PRKD1: variants seen among roughly 807,000 people sequenced by gnomAD.
PRKD1 encodes protein kinase D1, also known as serine/threonine-protein kinase D1.
PRKD1 carries 63 observed loss-of-function variants against 95.9 expected under a neutral mutation model. That is an observed-to-expected ratio of 0.66 (90% CI 0.54 to 0.81). PRKD1 has a LOEUF of 0.81. Ranked by LOEUF, PRKD1 falls within the 30% of genes least tolerant of loss-of-function variation. The pLI, the probability that PRKD1 is intolerant of heterozygous loss-of-function variation, is 0.00. For synonymous variants in PRKD1, 425 were observed against 423.1 expected (o/e 1.00, Z -0.05); for missense variants, 1,048 against 1,165.3 (o/e 0.90, Z 1.47).
intron 16 of PRKD1, among the ~76,000 whole-genome samples, chr14:29,579,835 T>C (rs907977512): frequency 1.3e-5 from 2 of 152,190 alleles, no homozygotes; most frequent in African/African-American, 2.4e-5. Flanking sequence ...CTAGGATACC[T>C]GAAGAAATAC....
intron 4 of PRKD1, chr14:29,650,196 G>T (rs1881404316): frequency 6.6e-6 from 1 of 152,394 alleles, no homozygotes; most frequent in African/African-American, 2.4e-5. Context: ...AGCCACTCTT[G>T]TTGTCCCCAG....
chr14:29,861,173 A>G (rs1892697439), intron 1 of PRKD1, among the ~76,000 whole-genome samples: 2 of 152,318 alleles, frequency 1.3e-5, no homozygotes, highest in South Asian at 4.1e-4. Context: ...TAAACTGAAT[A>G]TAACTTATAG....
In PRKD1 at chr14:29,600,354, C is replaced by CA. The variant is rs35608497; in HGVS notation, c.1906-538dup. Among the ~76,000 whole-genome samples the CA allele has an allele frequency of 6.8e-4, 102 of 150,778 alleles. No individual in the cohort carries two copies. In the Middle Eastern group the frequency reaches 0.01, roughly 15 times the overall value. ...TAAGTGAAGATCATAAAAATAGCAACAAAAAAAAAGTGAGCCTGTGCTTTG... is the reference window on the plus strand; with the variant it reads ...TAAGTGAAGATCATAAAAATAGCAACAAAAAAAAAAGTGAGCCTGTGCTTTG... On this transcript the variant is annotated intron_variant, in intron 13 of 17. Coordinates refer to ENST00000331968, the MANE Select transcript of PRKD1 (RefSeq NM_002742.3).
At chr14:29,702,744 A>G (rs8006381) in intron 2 of PRKD1, among the ~76,000 whole-genome samples, 79,073 of 151,862 alleles carry the variant, frequency 0.52, 23,220 homozygotes, top group African/African-American at 0.81. Context: ...TTAGCGAAGT[A>G]ATTAATTCAT....
chr14:29,631,153 A>G (rs963713400), intron 9 of PRKD1, 132 bp from the exon 10 acceptor site: 4 of 896,324 alleles, frequency 4.5e-6, no homozygotes, highest in Non-Finnish European at 6.6e-6. Flanking sequence ...TTTAAACTAT[A>G]AAACACAGAA....
rs1892589107 is a variant in PRKD1, at chr14:29,858,487, A to G, written c.264+68762T>C. Among the ~76,000 whole-genome samples the G allele has an allele frequency of 3.3e-5, 5 of 152,206 alleles. No individual in the cohort carries two copies. The South Asian group carries it at 1.0e-3, about 32-fold the overall frequency. On this transcript the variant is annotated intron_variant, in intron 1 of 17. Transcript: ENST00000331968. ...AGTTCCCTCCCTCGCCCAGTTCCCCATTTCTAGTTTCACACCAGAAGAACA... is the reference window on the plus strand; with the variant it reads ...AGTTCCCTCCCTCGCCCAGTTCCCCGTTTCTAGTTTCACACCAGAAGAACA...
At chr14:29,701,077 A>C (rs1056538161) in intron 2 of PRKD1, among the ~76,000 whole-genome samples, 2 of 152,120 alleles carry the variant, frequency 1.3e-5, no homozygotes, top group African/African-American at 4.8e-5. Context: ...ATTTTGCATA[A>C]CATCTTGAGG....
At position 29,859,253 on chromosome 14, in the gene PRKD1, C is replaced by T. The variant is rs941577339; in HGVS notation, c.264+67996G>A. Among the ~76,000 whole-genome samples the T allele has an allele frequency of 3.9e-5, 6 of 151,916 alleles. No individual in the cohort carries two copies. The East Asian group carries it at 5.8e-4, about 15-fold the overall frequency. On this transcript the variant is annotated intron_variant, in intron 1 of 17. Coordinates refer to ENST00000331968, the MANE Select transcript of PRKD1 (RefSeq NM_002742.3). ...TTGGGAGGCCGAGGCGGGTGGATCA[C>T]GAGGTCAGGAGATTGAGACCACCCT...
rs1395959231 is a variant in PRKD1 at position 29,636,384 on chromosome 14, G to C, written c.1096C>G (p.Gln366Glu). Reference protein sequence around the residue: ...LMDDMEEAMVQDAEMAMAECQ... With the variant: ...LMDDMEEAMVEDAEMAMAECQ... Reference sequence around the variant, plus strand: ...TCTGCCATTGCCATCTCTGCATCTTGGACCATTGCTTCTTCCATATCATCC... The same window carrying C: ...TCTGCCATTGCCATCTCTGCATCTTCGACCATTGCTTCTTCCATATCATCC... Residue 366 changes from glutamine (Q) to glutamate (E), a missense_variant, in exon 7 of 18, where the codon CAA becomes GAA. This residue lies in a region of PRKD1 where 739 missense variants were observed against 861.9 expected (regional missense o/e 0.86). Coordinates refer to ENST00000331968, the MANE Select transcript of PRKD1 (RefSeq NM_002742.3). 6.2e-7 allele frequency: 1 copy of C among 1,613,964 alleles called. No individual in the cohort carries two copies. The highest frequency in any genetic ancestry group is 8.5e-7 in the Non-Finnish European group (1 of 1,180,044).
At chr14:29,813,193 GA>G (rs1890561006) in intron 1 of PRKD1, among the ~76,000 whole-genome samples, 1 of 152,110 alleles carries the variant, frequency 6.6e-6, no homozygotes, top group Admixed American at 6.5e-5. Context: ...AAATACTCTG[GA>G]AACTTAAGTG....
chr14:29,703,029 C>CT (rs1884914848), intron 2 of PRKD1, among the ~76,000 whole-genome samples: 1 of 152,014 alleles, frequency 6.6e-6, no homozygotes, highest in African/African-American at 2.4e-5. Flanking sequence ...GAGGTTTCTA[C>CT]TTTGAGGAAT....
At chr14:29,876,698 C>G (rs1893303745) in intron 1 of PRKD1, among the ~76,000 whole-genome samples, 1 of 149,978 alleles carries the variant, frequency 6.7e-6, no homozygotes, top group African/African-American at 2.5e-5. Flanking sequence ...AAAACTCCAA[C>G]TCTACAGCAA....
rs142105259 is a variant in PRKD1 at position 29,616,167 on chromosome 14, T to A, written c.1905+7985A>T. Among the ~76,000 whole-genome samples the A allele has an allele frequency of 3.3e-3, 480 of 146,746 alleles. 1 individual carries two copies. The highest frequency in any genetic ancestry group is 0.012 in the African/African-American group (471 of 39,146). On this transcript the variant is annotated intron_variant, in intron 13 of 17. Transcript: ENST00000331968. ...AGCTAGCAAGGAAGGAAAAATTGGA[T>A]CTTGTAAGTACAGGGATGAAGTGAG... is the stretch of plus-strand genomic sequence containing the variant.
At chr14:29,847,053 C>T (rs1434088533) in intron 1 of PRKD1, among the ~76,000 whole-genome samples, 2 of 152,054 alleles carry the variant, frequency 1.3e-5, no homozygotes, top group Admixed American at 6.6e-5. Context: ...GATCAGGTGC[C>T]CCAGCAATTT....
chr14:29,631,500 CT>C (rs370333345), intron 9 of PRKD1, among the ~76,000 whole-genome samples: 1,746 of 139,976 alleles, frequency 0.012, 16 homozygotes, highest in Middle Eastern at 0.031. Context: ...TTAAAATGGT[CT>C]TTTTTTTTTT....
intron 1 of PRKD1, among the ~76,000 whole-genome samples, chr14:29,881,411 T>C (rs1222259721): frequency 6.6e-6 from 1 of 151,946 alleles, no homozygotes; most frequent in Admixed American, 6.6e-5. Context: ...GTAAATACAA[T>C]TAAACCTCTT....
chr14:29,752,508 A>T (rs973885784), intron 1 of PRKD1, among the ~76,000 whole-genome samples: 3 of 152,004 alleles, frequency 2.0e-5, no homozygotes, highest in African/African-American at 7.2e-5. Flanking sequence ...ATTTCCACAT[A>T]CAAGCACTTT....
intron 9 of PRKD1, among the ~76,000 whole-genome samples, chr14:29,632,207 T>G (rs941303524): frequency 2.0e-5 from 3 of 152,216 alleles, no homozygotes; most frequent in Non-Finnish European, 2.9e-5. Context: ...AAACAAAGTT[T>G]TAATTTTAAA....
chr14:29,695,753 T>C lies in PRKD1; in HGVS notation c.404-29545A>G, dbSNP rs115462520. On this transcript the variant is annotated intron_variant, in intron 2 of 17. Transcript: ENST00000331968. Reference sequence around the variant, plus strand: ...AGACATTTTTAAACTGGAAAGAGTTTTGAGTTCATCTCTAGGGAAATATCA... The same window carrying C: ...AGACATTTTTAAACTGGAAAGAGTTCTGAGTTCATCTCTAGGGAAATATCA... Among the ~76,000 whole-genome samples, 1,356 of 152,250 alleles carry C rather than the reference T, an allele frequency of 8.9e-3. 17 individuals carry two copies. Among genetic ancestry groups the C allele is most frequent in the African/African-American group, 0.031 (1,303 of 41,550 alleles).
Sources: gnomAD v4.1 joint callset for allele counts (sites outside exome capture counted in the v4.1 genomes callset) on GRCh38, gnomAD v4.1.1 for gene constraint, gnomAD v4.1.1 regional missense constraint, MANE v1.5 for transcripts, NCBI Gene and HGNC (gene_info 2026-07-23, HGNC 2026-07-21) for gene names.